The following RASGEF1C variants were observed in gnomAD, a reference collection of about 807,000 sequenced individuals.
The protein encoded by RASGEF1C is ras-GEF domain-containing family member 1C.
In RASGEF1C, 27 loss-of-function variants were observed where a neutral mutation model predicts 58.1. The observed-to-expected ratio is 0.46, with a 90% CI of 0.34 to 0.64. The LOEUF (loss-of-function observed/expected upper bound fraction) is 0.64. RASGEF1C is among the 30% of genes least tolerant of loss of function. The pLI, the probability that RASGEF1C is intolerant of heterozygous loss-of-function variation, is 0.01. For synonymous variants in RASGEF1C, 243 were observed against 246.3 expected (o/e 0.99, Z 0.13); for missense variants, 502 against 605.1 (o/e 0.83, Z 1.79).
At chr5:180,199,374 G>A (rs550130882) in intron 1 of RASGEF1C, among the ~76,000 whole-genome samples, 1 of 152,230 alleles carries the variant, frequency 6.6e-6, no homozygotes, top group South Asian at 2.1e-4. Flanking sequence ...TCACTGACCG[G>A]ATCCTGGATA....
At chr5:180,172,858 TG>T (rs1767134386) in intron 1 of RASGEF1C, among the ~76,000 whole-genome samples, 1 of 152,174 alleles carries the variant, frequency 6.6e-6, no homozygotes, top group Non-Finnish European at 1.5e-5. Context: ...CTCACCTCCC[TG>T]TGCCTCTCCC....
intron 1 of RASGEF1C, among the ~76,000 whole-genome samples, chr5:180,144,970 G>A (rs12109719): frequency 0.051 from 7,783 of 152,202 alleles, 651 homozygotes; most frequent in African/African-American, 0.17. Flanking sequence ...TGTAACATGC[G>A]TCAGAATTTC....
intron 12 of RASGEF1C, among the ~76,000 whole-genome samples, chr5:180,105,430 C>T (rs979135622): frequency 7.0e-4 from 106 of 151,584 alleles, no homozygotes; most frequent in African/African-American, 1.9e-3. Flanking sequence ...AGTGTGGTGG[C>T]GGGCGCCTGT....
intron 1 of RASGEF1C, among the ~76,000 whole-genome samples, chr5:180,203,949 T>C (rs960601284): frequency 5.3e-5 from 8 of 151,962 alleles, no homozygotes; most frequent in South Asian, 2.1e-4. Flanking sequence ...GCCGAGATCA[T>C]GCCACTGCAC....
rs768287708 is a variant in RASGEF1C at position 180,137,701 on chromosome 5, G to A, written c.189C>T (p.Ile63=). Reference sequence around the variant, plus strand: ...GGCGAGAGCTCAGCAGGAAGGTGAAGATGTAGGCTTTCTGGGGGACACACG... The same window carrying A: ...GGCGAGAGCTCAGCAGGAAGGTGAAAATGTAGGCTTTCTGGGGGACACACG... ...TADYYPEKAY[I]FTFLLSSRLF... is the part of the protein sequence containing the mutation. Residue 63 remains isoleucine (I), a synonymous_variant, in exon 3 of 14, where the codon ATC becomes ATT. Coordinates refer to ENST00000361132, the MANE Select transcript of RASGEF1C (RefSeq NM_175062.4). The surrounding 1 kb of genome is among the most constrained non-coding windows in gnomAD (Gnocchi z 4.1). 52 of 1,612,922 alleles carry A rather than the reference G, an allele frequency of 3.2e-5. No homozygotes were observed. Among genetic ancestry groups the A allele is most frequent in the Non-Finnish European group, 4.4e-5 (52 of 1,179,996 alleles).
At chr5:180,142,383 C>T (rs1766592351) in intron 1 of RASGEF1C, among the ~76,000 whole-genome samples, 1 of 152,166 alleles carries the variant, frequency 6.6e-6, no homozygotes, top group African/African-American at 2.4e-5. Context: ...GTCATGGTCC[C>T]TTTAATTGTA....
At position 180,143,470 on chromosome 5, in the gene RASGEF1C, C is replaced by T. The variant is rs1766614871; in HGVS notation, c.-6-5412G>A. 6.6e-6 allele frequency among the ~76,000 whole-genome samples: 1 copy of T among 152,226 alleles called. No individual in the cohort carries two copies. Among genetic ancestry groups the T allele is most frequent in the Non-Finnish European group, 1.5e-5 (1 of 68,044 alleles). On this transcript the variant is annotated intron_variant, in intron 1 of 13. Coordinates refer to ENST00000361132, the MANE Select transcript of RASGEF1C (RefSeq NM_175062.4). This position sits in a 1 kb window ranked among gnomAD's most constrained non-coding sequence, Gnocchi z 4.3. ...GAAAGAGGTAATGGTCACCTGCCCC[C>T]AGCCAGTTGAAAACGTGCCCAAGGG...
At chr5:180,200,183 C>T (rs183032245) in intron 1 of RASGEF1C, among the ~76,000 whole-genome samples, 28 of 151,792 alleles carry the variant, frequency 1.8e-4, no homozygotes, top group East Asian at 1.6e-3. Context: ...TTGCTTGAAC[C>T]GGGACCTGGG....
rs1450714701 is a variant in RASGEF1C, at chr5:180,156,193, A to G, written c.-6-18135T>C. On this transcript the variant is annotated intron_variant, in intron 1 of 13. Coordinates refer to ENST00000361132, the MANE Select transcript of RASGEF1C (RefSeq NM_175062.4). This position sits in a 1 kb window ranked among gnomAD's most constrained non-coding sequence, Gnocchi z 4.9. The stretch of plus-strand genomic sequence containing the variant: ...AGTTCCACCTGTGTATTTATCCCCA[A>G]ATACCCTGCCTAGTTTGACAGCAGA... Among the ~76,000 whole-genome samples the G allele has an allele frequency of 6.6e-6, 1 of 152,098 alleles. No individual in the cohort carries two copies. The highest frequency in any genetic ancestry group is 1.5e-5 in the Non-Finnish European group (1 of 68,012).
intron 1 of RASGEF1C, among the ~76,000 whole-genome samples, chr5:180,141,027 C>T (rs946620934): frequency 9.2e-5 from 14 of 152,208 alleles, no homozygotes; most frequent in African/African-American, 3.4e-4. Context: ...ACGAGGGTCC[C>T]TCGCTCCACC....
intron 1 of RASGEF1C, among the ~76,000 whole-genome samples, chr5:180,182,460 C>A (rs1293402260): frequency 6.6e-6 from 1 of 152,156 alleles, no homozygotes; most frequent in Non-Finnish European, 1.5e-5. Flanking sequence ...TGGAAGAGAA[C>A]CCCAGCAGGT....
chr5:180,116,260 G>A (rs923129131), intron 10 of RASGEF1C, among the ~76,000 whole-genome samples: 12 of 152,086 alleles, frequency 7.9e-5, no homozygotes, highest in African/African-American at 2.4e-4. Context: ...TTACAGCCCC[G>A]GTCAGCTTGG....
In RASGEF1C at chr5:180,200,412, C is replaced by T. The variant is rs1756367094; in HGVS notation, c.-7+8616G>A. Among the ~76,000 whole-genome samples, 4 of 139,558 alleles carry T rather than the reference C, an allele frequency of 2.9e-5. No homozygotes were observed. In the South Asian group the frequency reaches 9.2e-4, roughly 32 times the overall value. The allele number at this position is 139,558 out of a possible 152,430, so 91.6% of individuals were successfully genotyped here. On this transcript the variant is annotated intron_variant, in intron 1 of 13. Coordinates refer to ENST00000361132, the MANE Select transcript of RASGEF1C (RefSeq NM_175062.4). ...GCAAGCTCCGCCTCCCGGGTTCACG[C>T]CATTCTCCTGCCTCAGCCTCCCGAG...
At chr5:180,144,568 A>T (rs1766636034) in intron 1 of RASGEF1C, among the ~76,000 whole-genome samples, 1 of 152,108 alleles carries the variant, frequency 6.6e-6, no homozygotes, top group Non-Finnish European at 1.5e-5. Context: ...GAGCCCAGGA[A>T]TTCAAGGCTG....
At chr5:180,149,956 ATAATC>A (rs1324131212) in intron 1 of RASGEF1C, among the ~76,000 whole-genome samples, 3 of 152,110 alleles carry the variant, frequency 2.0e-5, no homozygotes, top group African/African-American at 7.2e-5. Flanking sequence ...AATTATTCAG[ATAATC>A]TCTCTATACC....
intron 1 of RASGEF1C, among the ~76,000 whole-genome samples, chr5:180,160,409 C>T (rs984914727): frequency 6.6e-6 from 1 of 152,212 alleles, no homozygotes; most frequent in Admixed American, 6.5e-5. Context: ...AGGTTGTGCA[C>T]AAGAGGTGGG....
At chr5:180,180,478 A>G (rs2028726) in intron 1 of RASGEF1C, among the ~76,000 whole-genome samples, 131,686 of 152,274 alleles carry the variant, frequency 0.86, 57,010 homozygotes, top group East Asian at 0.9. Flanking sequence ...GTACTTAACA[A>G]TTTGCAGTCT....
rs191505763 is a variant in RASGEF1C, at chr5:180,189,135, A to G, written c.-7+19893T>C. Among the ~76,000 whole-genome samples the G allele has an allele frequency of 2.0e-3, 311 of 152,364 alleles. 1 individual carries two copies. Among genetic ancestry groups the G allele is most frequent in the African/African-American group, 7.3e-3 (304 of 41,600 alleles). ...AGATCAATACGTAAGCATCAATTGTATTTCTACCTATCAGCAACAAAATGT... is the reference window on the plus strand; with the variant it reads ...AGATCAATACGTAAGCATCAATTGTGTTTCTACCTATCAGCAACAAAATGT... On this transcript the variant is annotated intron_variant, in intron 1 of 13. Transcript: ENST00000361132.
At chr5:180,208,700 T>C (rs1476824865) in intron 1 of RASGEF1C, among the ~76,000 whole-genome samples, 1 of 151,978 alleles carries the variant, frequency 6.6e-6, no homozygotes, top group Non-Finnish European at 1.5e-5. Context: ...GTGGAGGCTT[T>C]GGTCTAGGCT....
Sources: allele counts gnomAD v4.1 joint callset (sites outside exome capture counted in the v4.1 genomes callset), GRCh38; gene constraint gnomAD v4.1.1; non-coding constraint Gnocchi (gnomAD v3.1); transcripts MANE v1.5; gene names NCBI Gene and HGNC (gene_info 2026-07-23, HGNC 2026-07-21).